TPO: variants seen among roughly 807,000 people sequenced by gnomAD.
The protein encoded by TPO is thyroid peroxidase, also known as thyroid microsomal antigen.
A neutral mutation model predicts 96.9 loss-of-function variants in TPO; 78 were observed. The ratio of observed to expected loss-of-function variants is 0.81; its 90% confidence interval spans 0.67 to 0.97. The LOEUF (loss-of-function observed/expected upper bound fraction) is 0.97. Ranked by LOEUF, TPO falls within the 50% of genes least tolerant of loss-of-function variation. The probability of loss-of-function intolerance (pLI) is 0.00; values close to 1 mark genes in which losing one functional copy is unlikely to be tolerated. For missense variants in TPO, 1,252 were observed against 1,274.8 expected (o/e 0.98, Z 0.27); for synonymous variants, 547 against 538.0 (o/e 1.02, Z -0.23).
intron 15 of TPO, among the ~76,000 whole-genome samples, chr2:1,536,734 CCACTCTGTGCAACCTCCCCAAATCCCCAT>C (rs1679739266): frequency 1.6e-5 from 2 of 127,220 alleles, no homozygotes; most frequent in South Asian, 2.8e-4. Flanking sequence ...CAAATCCCCA[CCACTCTGTGCAACCTCCCCAAATCCCCAT>C]CACTCTGTGT....
intron 10 of TPO, among the ~76,000 whole-genome samples, chr2:1,491,427 G>T (rs1399299219): frequency 6.6e-6 from 1 of 151,978 alleles, no homozygotes. Flanking sequence ...TTTTCTTTTT[G>T]AAATTAAGAT....
At chr2:1,399,416 T>A (rs1388718325) in intron 1 of TPO, among the ~76,000 whole-genome samples, 2 of 152,256 alleles carry the variant, frequency 1.3e-5, no homozygotes, top group African/African-American at 4.8e-5. Flanking sequence ...ACAAGTCCTA[T>A]GTATGCTGTG....
chr2:1,378,369 G>A (rs1661754806), intron 1 of TPO, among the ~76,000 whole-genome samples: 1 of 152,194 alleles, frequency 6.6e-6, no homozygotes, highest in Admixed American at 6.5e-5. Flanking sequence ...GCCTTCTCTG[G>A]CCACAGTCAG....
intron 7 of TPO, among the ~76,000 whole-genome samples, chr2:1,467,994 A>G (rs1316466836): frequency 2.2e-5 from 3 of 138,748 alleles, no homozygotes; most frequent in African/African-American, 7.9e-5. Context: ...TTTGTCTGAT[A>G]TAAGAATAGC....
At chr2:1,382,543 A>T (rs890371824) in intron 1 of TPO, among the ~76,000 whole-genome samples, 1 of 152,166 alleles carries the variant, frequency 6.6e-6, no homozygotes, top group Non-Finnish European at 1.5e-5. Context: ...ATTTTAGTGA[A>T]CAAAGCATTG....
At chr2:1,533,978 TC>T (rs1678929935) in intron 15 of TPO, among the ~76,000 whole-genome samples, 1 of 79,550 alleles carries the variant, frequency 1.3e-5, no homozygotes, top group Non-Finnish European at 2.5e-5. Flanking sequence ...CTGTGCAACC[TC>T]CCCAAATCCC....
At chr2:1,516,032 G>C (rs1318029409) in intron 14 of TPO, among the ~76,000 whole-genome samples, 1 of 152,216 alleles carries the variant, frequency 6.6e-6, no homozygotes, top group Non-Finnish European at 1.5e-5. Flanking sequence ...GGTCAAAGGA[G>C]CTCTGAGTTC....
At chr2:1,513,976 T>C (rs571512711) in intron 14 of TPO, among the ~76,000 whole-genome samples, 1 of 152,348 alleles carries the variant, frequency 6.6e-6, no homozygotes, top group African/African-American at 2.4e-5. Flanking sequence ...TACCCATACA[T>C]AGACATAGTT....
chr2:1,398,886 C>G (rs1046545809), intron 1 of TPO, among the ~76,000 whole-genome samples: 1 of 152,172 alleles, frequency 6.6e-6, no homozygotes, highest in Non-Finnish European at 1.5e-5. Context: ...GGGTGGGGGG[C>G]GCTGGCACCA....
chr2:1,393,258 C>A (rs1192313918), intron 1 of TPO, among the ~76,000 whole-genome samples: 1 of 152,126 alleles, frequency 6.6e-6, no homozygotes, highest in Non-Finnish European at 1.5e-5. Flanking sequence ...ACCACCAGAT[C>A]TCACAAGAAC....
chr2:1,494,726 T>G (rs1020965441), intron 11 of TPO, among the ~76,000 whole-genome samples: 2 of 152,180 alleles, frequency 1.3e-5, no homozygotes, highest in Non-Finnish European at 2.9e-5. Context: ...GGAAAATGTT[T>G]TCTTTTGCTT....
At chr2:1,500,695 G>A (rs1349036960) in intron 13 of TPO, among the ~76,000 whole-genome samples, 3 of 152,192 alleles carry the variant, frequency 2.0e-5, no homozygotes, top group Non-Finnish European at 4.4e-5. Context: ...GGCCGGGCGT[G>A]GTGGTTTATG....
intron 7 of TPO, among the ~76,000 whole-genome samples, chr2:1,466,037 G>C (rs928861403): frequency 4.6e-5 from 7 of 152,136 alleles, no homozygotes; most frequent in Non-Finnish European, 7.4e-5. Context: ...GTTTGTCATA[G>C]ATGGCTTTTA....
chr2:1,537,529 CTATCCCCCCCAGTGTGCAACCTCCTG>C (rs1680077829), intron 15 of TPO, among the ~76,000 whole-genome samples: 2 of 34,926 alleles, frequency 5.7e-5, no homozygotes, highest in African/African-American at 1.2e-4. Context: ...CAACCTCCGC[CTATCCCCCCCAGTGTGCAACCTCCTG>C]AAATCCCCCA....
chr2:1,540,755 GC>G, intron 16 of TPO, 32 bp downstream of exon 16: 2 of 1,613,210 alleles, frequency 1.2e-6, no homozygotes, highest in Non-Finnish European at 1.7e-6. Context: ...GTTTCCAGCT[GC>G]CACCGCAGTG....
Sources: gnomAD v4.1 joint callset for allele counts (sites outside exome capture counted in the v4.1 genomes callset) on GRCh38, gnomAD v4.1.1 for gene constraint, MANE v1.5 for transcripts, NCBI Gene and HGNC (gene_info 2026-07-23, HGNC 2026-07-21) for gene names.